Variants in CTPS2 observed in about 807,000 individuals in gnomAD.
CTPS2 encodes the protein CTP synthase II.
In CTPS2, 19 loss-of-function variants were observed where a neutral mutation model predicts 46.8. That is an observed-to-expected ratio of 0.41 (90% CI 0.28 to 0.60). The LOEUF is 0.60. Ranked by LOEUF, CTPS2 falls within the 20% of genes least tolerant of loss-of-function variation. CTPS2 has a pLI of 0.35. For synonymous variants in CTPS2, 151 were observed against 165.2 expected, an observed-to-expected ratio of 0.91 and a Z score of 0.66; for missense variants, 286 against 447.6, an observed-to-expected ratio of 0.64 and a Z score of 3.26.
chrX:16,664,503 T>C (rs1176914364), intron 13 of CTPS2, among the ~76,000 whole-genome samples: 1 of 111,053 alleles, frequency 9.0e-6, no homozygotes, highest in Non-Finnish European at 1.9e-5. Flanking sequence ...CAGCATACAG[T>C]GTTAAGCGAA....
At chrX:16,642,200 G>A (rs904450245) in intron 13 of CTPS2, among the ~76,000 whole-genome samples, 1 of 112,131 alleles carries the variant, frequency 8.9e-6, no homozygotes, top group African/African-American at 3.2e-5. Context: ...GCTGTTTTCA[G>A]AAGTAATAAA....
At chrX:16,594,951 A>C (rs1321146469) in intron 17 of CTPS2, among the ~76,000 whole-genome samples, 3 of 113,089 alleles carry the variant, frequency 2.7e-5, no homozygotes, top group Non-Finnish European at 3.7e-5. Flanking sequence ...GGTCATCTGA[A>C]TGCAGACCAA....
intron 9 of CTPS2, among the ~76,000 whole-genome samples, chrX:16,679,343 G>A (rs773220028): frequency 1.4e-4 from 15 of 110,043 alleles, no homozygotes; most frequent in African/African-American, 4.3e-4. Context: ...GGTCAACAGA[G>A]TGAGAGTCCG....
At chrX:16,624,452 C>G (rs1295401808) in intron 14 of CTPS2, among the ~76,000 whole-genome samples, 1 of 111,891 alleles carries the variant, frequency 8.9e-6, no homozygotes, top group African/African-American at 3.2e-5. Context: ...ACCATCGATT[C>G]TGATTTGATT....
chrX:16,666,555 G>A lies in CTPS2; in HGVS notation c.1296+959C>T, dbSNP rs796940273. Among the ~76,000 whole-genome samples, 16 of 111,071 alleles carry A rather than the reference G, an allele frequency of 1.4e-4. No homozygotes were observed. In the South Asian group the frequency reaches 5.3e-3, roughly 37 times the overall value. Reference sequence around the variant, plus strand: ...TACAAAAAAAATCAAAAAATGAGGTGGGAAGATTGTTTGACCCCGGGAGGT... The same window carrying A: ...TACAAAAAAAATCAAAAAATGAGGTAGGAAGATTGTTTGACCCCGGGAGGT... On this transcript the variant is annotated intron_variant, in intron 13 of 18. Coordinates refer to ENST00000359276, the MANE Select transcript of CTPS2 (RefSeq NM_175859.3).
chrX:16,693,076 A>C lies in CTPS2; in HGVS notation c.639+65T>G, dbSNP rs189586171. ...CGTCTCAAATTAAAAAAAAAAAAAA[A>C]AAAGAAGTGAAGGTCCTGCTCCCAG... is the stretch of plus-strand genomic sequence containing the variant. On this transcript the variant is annotated intron_variant, in intron 6 of 18. Coordinates refer to ENST00000359276, the MANE Select transcript of CTPS2 (RefSeq NM_175859.3). 1.3e-4 allele frequency: 100 copies of C among 755,298 alleles called. No homozygotes were observed. In the African/African-American group the frequency reaches 1.8e-3, roughly 14 times the overall value. 62.2% of individuals were successfully genotyped at this position (755,298 alleles called of 1,213,427 possible).
At chrX:16,631,578 C>T (rs986984726) in intron 14 of CTPS2, among the ~76,000 whole-genome samples, 1 of 111,736 alleles carries the variant, frequency 8.9e-6, no homozygotes, top group African/African-American at 3.3e-5. Flanking sequence ...TTCACACACA[C>T]CAGATTGTGC....
At chrX:16,639,091 G>T in intron 14 of CTPS2, 56 bp downstream of exon 14, 1 of 950,128 alleles carries the variant, frequency 1.1e-6, no homozygotes, top group Non-Finnish European at 1.5e-6. Flanking sequence ...CTGGGCACCT[G>T]CAGTCACATG....
intron 17 of CTPS2, among the ~76,000 whole-genome samples, chrX:16,601,282 G>C (rs777994372): frequency 9.0e-6 from 1 of 111,094 alleles, no homozygotes; most frequent in South Asian, 3.8e-4. Flanking sequence ...GCATGCCTGG[G>C]AGAGTGAAAT....
At chrX:16,628,724 TTC>T (rs1192591550) in intron 14 of CTPS2, among the ~76,000 whole-genome samples, 2 of 111,827 alleles carry the variant, frequency 1.8e-5, no homozygotes, top group Non-Finnish European at 3.8e-5. Flanking sequence ...GGCATCTCTT[TTC>T]TTAGATCTTA....
At chrX:16,661,987 T>C (rs894727323) in intron 13 of CTPS2, among the ~76,000 whole-genome samples, 5 of 104,424 alleles carry the variant, frequency 4.8e-5, no homozygotes, top group African/African-American at 1.9e-4. Flanking sequence ...ATTGAGATTG[T>C]TCATTCATAT....
chrX:16,614,483 A>G (rs1930423215), intron 16 of CTPS2, among the ~76,000 whole-genome samples: 1 of 112,828 alleles, frequency 8.9e-6, no homozygotes, highest in Middle Eastern at 4.6e-3. Context: ...AATGAAGTGT[A>G]TATGTGTGAG....
chrX:16,709,240 C>A (rs1925260982), intron 1 of CTPS2, among the ~76,000 whole-genome samples: 1 of 109,795 alleles, frequency 9.1e-6, no homozygotes, highest in Non-Finnish European at 1.9e-5. Flanking sequence ...CCAGCCTGGG[C>A]AACATGGGGA....
At chrX:16,622,665 C>T (rs747774290) in intron 14 of CTPS2, among the ~76,000 whole-genome samples, 82 of 111,383 alleles carry the variant, frequency 7.4e-4, no homozygotes, top group African/African-American at 2.5e-3. Context: ...ATCGTATCTT[C>T]GAGTCAAGGG....
chrX:16,672,881 C>CTTTTTTTT (rs1185799196), intron 10 of CTPS2, among the ~76,000 whole-genome samples: 19 of 69,572 alleles, frequency 2.7e-4, no homozygotes, highest in African/African-American at 1.2e-3. Context: ...TGAGGCTACT[C>CTTTTTTTT]TTTTTTTTTT....
At chrX:16,619,505 G>A (rs959701316) in intron 15 of CTPS2, among the ~76,000 whole-genome samples, 1 of 111,397 alleles carries the variant, frequency 9.0e-6, no homozygotes, top group South Asian at 3.9e-4. Flanking sequence ...GCTAAAGGAC[G>A]AAGCAGACAC....
chrX:16,656,455 G>A (rs1409936087), intron 13 of CTPS2, among the ~76,000 whole-genome samples: 2 of 109,351 alleles, frequency 1.8e-5, no homozygotes, highest in Non-Finnish European at 3.8e-5. Context: ...TGTCGCCCAG[G>A]CTGGAGTGCA....
chrX:16,622,322 A>C (rs1930885498), intron 14 of CTPS2, among the ~76,000 whole-genome samples: 1 of 108,835 alleles, frequency 9.2e-6, no homozygotes, highest in South Asian at 4.2e-4. Flanking sequence ...GAATCACTTG[A>C]ACCTGGAAGG....
chrX:16,697,432 CTTTTTTTT>C (rs5901594), intron 4 of CTPS2, among the ~76,000 whole-genome samples: 22 of 59,597 alleles, frequency 3.7e-4, no homozygotes, highest in Admixed American at 2.3e-3. Context: ...TCAAATACGA[CTTTTTTTT>C]TTTTTTTTTT....
Sources: allele counts gnomAD v4.1 joint callset (sites outside exome capture counted in the v4.1 genomes callset), GRCh38; gene constraint gnomAD v4.1.1; transcripts MANE v1.5; gene names NCBI Gene and HGNC (gene_info 2026-07-23, HGNC 2026-07-21).